Variants in ANGPT2 observed in about 807,000 individuals in gnomAD.
The protein encoded by ANGPT2 is angiopoietin-2.
ANGPT2 carries 28 observed loss-of-function variants against 62.9 expected under a neutral mutation model. That is an observed-to-expected ratio of 0.44 (90% CI 0.33 to 0.61). The LOEUF is 0.61. Ranked by LOEUF, ANGPT2 falls within the 20% of genes least tolerant of loss-of-function variation. The probability of loss-of-function intolerance (pLI) is 0.03; values close to 1 mark genes in which losing one functional copy is unlikely to be tolerated. For synonymous variants in ANGPT2, 284 were observed against 207.8 expected (o/e 1.37, Z -3.15); for missense variants, 727 against 594.9 (o/e 1.22, Z -2.31).
At chr8:6,561,790 T>A (rs746295707) in intron 1 of ANGPT2, among the ~76,000 whole-genome samples, 8 of 151,466 alleles carry the variant, frequency 5.3e-5, no homozygotes, top group Non-Finnish European at 1.2e-4. Flanking sequence ...TGAAAAAAAA[T>A]TATTTATGAA....
At chr8:6,561,709 A>G (rs1825567846) in intron 1 of ANGPT2, among the ~76,000 whole-genome samples, 1 of 152,244 alleles carries the variant, frequency 6.6e-6, no homozygotes, top group Non-Finnish European at 1.5e-5. Flanking sequence ...CCTTTAGAAT[A>G]TATATAGTCC....
intron 4 of ANGPT2, 54 bp downstream of exon 4, chr8:6,521,124 G>T: frequency 6.8e-7 from 1 of 1,466,348 alleles, no homozygotes; most frequent in Non-Finnish European, 9.4e-7. Flanking sequence ...TCTTTTGAGT[G>T]TTTTACTGAC....
chr8:6,520,326 G>C (rs1460958485), intron 4 of ANGPT2, among the ~76,000 whole-genome samples: 1 of 152,094 alleles, frequency 6.6e-6, no homozygotes, highest in Non-Finnish European at 1.5e-5. Context: ...CTTTCATCTT[G>C]AGCAGAATAG....
intron 7 of ANGPT2, among the ~76,000 whole-genome samples, chr8:6,509,795 G>A (rs537919009): frequency 6.6e-6 from 1 of 152,288 alleles, no homozygotes; most frequent in East Asian, 1.9e-4. Flanking sequence ...TTCCTTAAAT[G>A]TGCTCGGAAC....
intron 8 of ANGPT2, among the ~76,000 whole-genome samples, chr8:6,504,909 G>A (rs1297781445): frequency 6.6e-6 from 1 of 151,982 alleles, no homozygotes; most frequent in Non-Finnish European, 1.5e-5. Flanking sequence ...AAGGATAAGG[G>A]AGGACTGCTG....
intron 2 of ANGPT2, among the ~76,000 whole-genome samples, chr8:6,528,920 G>T (rs3824312): frequency 6.6e-6 from 1 of 152,070 alleles, no homozygotes; most frequent in Admixed American, 6.5e-5. Context: ...CTTGGCCAAC[G>T]TAAGGTTTTG....
At chr8:6,522,320 A>G (rs529395618) in intron 3 of ANGPT2, among the ~76,000 whole-genome samples, 1 of 152,022 alleles carries the variant, frequency 6.6e-6, no homozygotes, top group East Asian at 1.9e-4. Flanking sequence ...ATGCCACTGC[A>G]CTCCAGCCTG....
At chr8:6,523,227 G>T (rs1817699843) in intron 3 of ANGPT2, among the ~76,000 whole-genome samples, 1 of 152,108 alleles carries the variant, frequency 6.6e-6, no homozygotes, top group Admixed American at 6.5e-5. Context: ...TCGATCTCCT[G>T]ACCTCGTGAT....
chr8:6,509,937 C>A (rs1440605929), intron 7 of ANGPT2, among the ~76,000 whole-genome samples: 4 of 152,120 alleles, frequency 2.6e-5, no homozygotes, highest in Non-Finnish European at 5.9e-5. Context: ...CATGAGGGAG[C>A]ATCGTGCCAC....
intron 4 of ANGPT2, among the ~76,000 whole-genome samples, chr8:6,520,934 G>C (rs1374212804): frequency 4.6e-5 from 7 of 152,122 alleles, no homozygotes; most frequent in African/African-American, 1.7e-4. Context: ...ATTAATGATG[G>C]AACTAACTAA....
rs1357381124 is a variant in ANGPT2, at chr8:6,505,339, A to C, written c.1328-2078T>G. Reference sequence around the variant, plus strand: ...ATATATGTTATATACATATAGAAAGAATATATATATTCTTTCTATATGTAT... The same window carrying C: ...ATATATGTTATATACATATAGAAAGCATATATATATTCTTTCTATATGTAT... On this transcript the variant is annotated intron_variant, in intron 8 of 8. Coordinates refer to ENST00000629816, the MANE Select transcript of ANGPT2 (RefSeq NM_001118887.2). Among the ~76,000 whole-genome samples the C allele has an allele frequency of 1.8e-4, 9 of 51,332 alleles. 1 individual carries two copies. Among genetic ancestry groups the C allele is most frequent in the African/African-American group, 1.1e-4 (1 of 8,872 alleles). 33.7% of individuals were successfully genotyped at this position (51,332 alleles called of 152,430 possible). A position where few individuals can be genotyped will look rare whatever the true frequency, so the allele number is the denominator to read the frequency against.
intron 7 of ANGPT2, among the ~76,000 whole-genome samples, chr8:6,509,481 A>T (rs749821870): frequency 1.6e-4 from 25 of 152,060 alleles, no homozygotes; most frequent in Non-Finnish European, 3.1e-4. Context: ...CCCGGGGGGG[A>T]TGGAGAATGC....
Position 6,532,507 on chromosome 8 carries a change from G to C in ANGPT2, c.289-20C>G. 6.4e-7 allele frequency: 1 copy of C among 1,569,728 alleles called. No homozygotes were observed. Among genetic ancestry groups the C allele is most frequent in the East Asian group, 2.3e-5 (1 of 43,114 alleles). ...CTCAAGCTAGAAAAGAACAGTGTTA[G>C]AAGGCAGTCATTAGTCAAATGACCG... On this transcript the variant is annotated intron_variant, in intron 1 of 8. Transcript: ENST00000629816.
At chr8:6,508,818 T>A (rs1447360122) in intron 8 of ANGPT2, 114 bp downstream of exon 8, 2 of 1,410,806 alleles carry the variant, frequency 1.4e-6, no homozygotes, top group African/African-American at 2.8e-5. Flanking sequence ...TGTGTCTACG[T>A]ATGAAATTGT....
intron 1 of ANGPT2, among the ~76,000 whole-genome samples, chr8:6,533,199 C>A (rs748046311): frequency 6.6e-6 from 1 of 152,220 alleles, no homozygotes; most frequent in Non-Finnish European, 1.5e-5. Context: ...TGGTTCTTCT[C>A]TCCCTCAGTT....
intron 5 of ANGPT2, among the ~76,000 whole-genome samples, chr8:6,515,278 G>A (rs7816398): frequency 0.27 from 40,811 of 152,030 alleles, 6,325 homozygotes; most frequent in East Asian, 0.7. Context: ...GAGGACTCCT[G>A]TTACATTCTC....
chr8:6,506,683 A>G (rs1813790834), intron 8 of ANGPT2, among the ~76,000 whole-genome samples: 1 of 152,034 alleles, frequency 6.6e-6, no homozygotes, highest in Non-Finnish European at 1.5e-5. Flanking sequence ...CAAAATCAAT[A>G]GGAGGGCTTT....
chr8:6,501,769 C>G lies in ANGPT2; in HGVS notation c.*1332G>C, dbSNP rs901769786. 1 of 152,030 alleles carries G rather than the reference C, an allele frequency of 6.6e-6. No homozygotes were observed. Among genetic ancestry groups the G allele is most frequent in the African/African-American group, 2.4e-5 (1 of 41,376 alleles). 9.4% of individuals were successfully genotyped at this position (152,030 alleles called of 1,614,324 possible). On this transcript the variant is annotated 3_prime_UTR_variant, in exon 9 of 9. Coordinates refer to ENST00000629816, the MANE Select transcript of ANGPT2 (RefSeq NM_001118887.2). ...ACAGGGTTTCACCATGTTGTCCAGG[C>G]TGGTCTTGAACTCCTGACCTCAGGT...
At chr8:6,524,437 A>G (rs1817957435) in intron 3 of ANGPT2, among the ~76,000 whole-genome samples, 2 of 152,322 alleles carry the variant, frequency 1.3e-5, no homozygotes, top group Admixed American at 6.5e-5. Context: ...TGAACCGGCC[A>G]TTTAACACTG....
Sources: gnomAD v4.1 joint callset for allele counts (sites outside exome capture counted in the v4.1 genomes callset) on GRCh38, gnomAD v4.1.1 for gene constraint, MANE v1.5 for transcripts, NCBI Gene and HGNC (gene_info 2026-07-23, HGNC 2026-07-21) for gene names.